The following CALD1 variants were observed in gnomAD, a reference collection of about 807,000 sequenced individuals.
CALD1 encodes the protein caldesmon 1, also known as caldesmon.
A neutral mutation model predicts 99.9 loss-of-function variants in CALD1; 33 were observed. The observed-to-expected ratio is 0.33, with a 90% CI of 0.25 to 0.44. The LOEUF is 0.44. Among genes scored for constraint, CALD1 ranks in the 20% least tolerant of loss-of-function variants. CALD1 has a pLI of 1.00. For synonymous variants in CALD1, 310 were observed against 325.0 expected, an observed-to-expected ratio of 0.95 and a Z score of 0.50; for missense variants, 861 against 962.1, an observed-to-expected ratio of 0.89 and a Z score of 1.39.
At chr7:134,899,361 A>G (rs1480259803) in intron 3 of CALD1, among the ~76,000 whole-genome samples, 1 of 151,314 alleles carries the variant, frequency 6.6e-6, no homozygotes, top group East Asian at 2.0e-4. Context: ...CCACCACCAC[A>G]CCTGGCTAAT....
At chr7:134,811,375 C>T (rs551880927) in intron 1 of CALD1, among the ~76,000 whole-genome samples, 16 of 152,300 alleles carry the variant, frequency 1.1e-4, no homozygotes, top group Non-Finnish European at 2.1e-4. Flanking sequence ...CCAAACTATA[C>T]AGGCTAATGG....
At chr7:134,724,175 T>C in the CALD1 span, among the ~76,000 whole-genome samples, 1 of 152,188 alleles carries the variant, frequency 6.6e-6, no homozygotes, top group Non-Finnish European at 1.5e-5. Context: ...CCTGGCCAGC[T>C]TCGAGTTCCA....
the CALD1 span, among the ~76,000 whole-genome samples, chr7:134,729,908 C>T: frequency 6.6e-6 from 1 of 152,178 alleles, no homozygotes; most frequent in Non-Finnish European, 1.5e-5. Context: ...AATCTAGACT[C>T]TGGATGGAGA....
At chr7:134,831,446 G>A (rs886277230) in intron 1 of CALD1, among the ~76,000 whole-genome samples, 2 of 152,046 alleles carry the variant, frequency 1.3e-5, no homozygotes, top group Non-Finnish European at 2.9e-5. Context: ...AGCCTCCCGA[G>A]TAGCTGGGAT....
chr7:134,754,516 T>C (rs1344711726), intron 1 of CALD1, among the ~76,000 whole-genome samples: 6 of 152,260 alleles, frequency 3.9e-5, no homozygotes, highest in Non-Finnish European at 7.3e-5. Context: ...CCACTGCTGA[T>C]ATCCATGTAT....
At chr7:134,957,843 C>T (rs1209323953) in intron 9 of CALD1, among the ~76,000 whole-genome samples, 4 of 148,824 alleles carry the variant, frequency 2.7e-5, no homozygotes, top group Non-Finnish European at 4.4e-5. Context: ...TTTTTTTACA[C>T]GTTTTCTCTA....
At chr7:134,719,883 G>A in the CALD1 span, among the ~76,000 whole-genome samples, 4 of 152,100 alleles carry the variant, frequency 2.6e-5, no homozygotes, top group Non-Finnish European at 4.4e-5. Context: ...AGATGCCCCC[G>A]AAATGTTCAC....
rs138032871 is a variant in CALD1 at position 134,924,610 on chromosome 7, GA to G, written c.72-4140del. On this transcript the variant is annotated intron_variant, in intron 3 of 14. Coordinates refer to ENST00000361675, the MANE Select transcript of CALD1 (RefSeq NM_033138.4). ...ACCAGCAACTGGACATGTTATGATTGAAAATGCCATGAAACCATTTTAGCTC... is the reference window on the plus strand; with the variant it reads ...ACCAGCAACTGGACATGTTATGATTGAAATGCCATGAAACCATTTTAGCTC... 4.0e-3 allele frequency among the ~76,000 whole-genome samples: 611 copies of G among 152,234 alleles called. 4 individuals are homozygous for G. Among genetic ancestry groups the G allele is most frequent in the East Asian group, 0.032 (164 of 5,188 alleles).
chr7:134,779,405 G>A (rs1797016464), upstream of CALD1: 2 of 349,502 alleles, frequency 5.7e-6, no homozygotes, highest in Non-Finnish European at 1.0e-5. Context: ...TTAGGTCTTG[G>A]GTTTTCTGAT....
chr7:134,787,815 T>C (rs1372951451), intron 1 of CALD1, among the ~76,000 whole-genome samples: 1 of 152,190 alleles, frequency 6.6e-6, no homozygotes, highest in African/African-American at 2.4e-5. Flanking sequence ...GAGCCAAAAG[T>C]TTCTCTGCAA....
At chr7:134,863,852 A>G (rs1331555187) in intron 2 of CALD1, among the ~76,000 whole-genome samples, 2 of 152,220 alleles carry the variant, frequency 1.3e-5, no homozygotes, top group Non-Finnish European at 2.9e-5. Flanking sequence ...AAAAAAAGTC[A>G]CAAAGAAAGA....
In CALD1 at chr7:134,783,211, C is replaced by T. The variant is rs975788190; in HGVS notation, c.-130+3462C>T. ...TGAAACCAGACTGCTCCACGGAGCTCGCCTCTCACCTCTTTGCTTCTGTCT... is the reference window on the plus strand; with the variant it reads ...TGAAACCAGACTGCTCCACGGAGCTTGCCTCTCACCTCTTTGCTTCTGTCT... On this transcript the variant is annotated intron_variant, in intron 1 of 14. Transcript: ENST00000361675. This position sits in a 1 kb window ranked among gnomAD's most constrained non-coding sequence, Gnocchi z 4.3. Among the ~76,000 whole-genome samples, 3 of 152,164 alleles carry T rather than the reference C, an allele frequency of 2.0e-5. No individual in the cohort carries two copies. Among genetic ancestry groups the T allele is most frequent in the African/African-American group, 2.4e-5 (1 of 41,424 alleles).
chr7:134,846,042 C>A (rs1799838973), intron 2 of CALD1, among the ~76,000 whole-genome samples: 1 of 152,172 alleles, frequency 6.6e-6, no homozygotes, highest in African/African-American at 2.4e-5. Flanking sequence ...GGTCATTGTC[C>A]AACTCCCCTG....
chr7:134,772,694 A>T (rs1027741606), intron 1 of CALD1, among the ~76,000 whole-genome samples: 2 of 152,136 alleles, frequency 1.3e-5, no homozygotes, highest in African/African-American at 4.8e-5. Flanking sequence ...TCTTGTACAA[A>T]TTTTTTTAAA....
In CALD1 at chr7:134,882,931, C is replaced by T. The variant is rs185015100; in HGVS notation, c.71+15127C>T. ...CTTAATTATTTTTTTCCAGTAAAGT[C>T]GAGCATTTTTATAAATGGTTTATGC... On this transcript the variant is annotated intron_variant, in intron 3 of 14. Transcript: ENST00000361675. Among the ~76,000 whole-genome samples the T allele has an allele frequency of 3.6e-3, 550 of 152,158 alleles. 4 individuals carry two copies. Among genetic ancestry groups the T allele is most frequent in the Non-Finnish European group, 3.4e-3 (233 of 67,992 alleles).
In CALD1 at chr7:134,959,249, C is replaced by T. The variant is rs1808065030; in HGVS notation, c.2062-725C>T. Among the ~76,000 whole-genome samples the T allele has an allele frequency of 2.6e-5, 4 of 151,976 alleles. No individual in the cohort carries two copies. The South Asian group carries it at 6.2e-4, about 24-fold the overall frequency. ...AAGCTAGAGTGCAATGGTGCAATCT[C>T]GGCTCACTGCAACCTCTGCATTCCA... On this transcript the variant is annotated intron_variant, in intron 11 of 14. Transcript: ENST00000361675.
chr7:134,721,465 G>GGGTTTCTACTATAGTAGAAC, the CALD1 span, among the ~76,000 whole-genome samples: 1 of 151,968 alleles, frequency 6.6e-6, no homozygotes. Context: ...TAGAATTCCT[G>GGGTTTCTACTATAGTAGAAC]GGTTTCTACT....
intron 1 of CALD1, among the ~76,000 whole-genome samples, chr7:134,744,846 CTCT>C (rs548640589): frequency 2.4e-4 from 37 of 152,242 alleles, no homozygotes; most frequent in African/African-American, 8.9e-4. Flanking sequence ...TCCAGGAAGC[CTCT>C]CCTGGAGAAA....
At chr7:134,713,415 C>T in the CALD1 span, among the ~76,000 whole-genome samples, 1 of 152,146 alleles carries the variant, frequency 6.6e-6, no homozygotes. Context: ...TTCCCTCTGA[C>T]TGTGGGGAAG....
Sources: allele counts gnomAD v4.1 joint callset (sites outside exome capture counted in the v4.1 genomes callset), GRCh38; gene constraint gnomAD v4.1.1; non-coding constraint Gnocchi (gnomAD v3.1); transcripts MANE v1.5; gene names NCBI Gene and HGNC (gene_info 2026-07-23, HGNC 2026-07-21).